SNX2: variants seen among roughly 807,000 people sequenced by gnomAD.
SNX2 encodes sorting nexin 2, also known as sorting nexin-2.
A neutral mutation model predicts 69.9 loss-of-function variants in SNX2; 25 were observed. The ratio of observed to expected loss-of-function variants is 0.36; its 90% confidence interval spans 0.26 to 0.50. The LOEUF (loss-of-function observed/expected upper bound fraction) is 0.50. Ranked by LOEUF, SNX2 falls within the 20% of genes least tolerant of loss-of-function variation. SNX2 has a pLI of 0.97. For missense variants in SNX2, 551 were observed against 613.3 expected (o/e 0.90, Z 1.07); for synonymous variants, 229 against 200.4 (o/e 1.14, Z -1.20).
chr5:122,829,761 C>T lies in SNX2; in HGVS notation c.*113C>T. On this transcript the variant is annotated 3_prime_UTR_variant, in exon 15 of 15. Coordinates refer to ENST00000379516, the MANE Select transcript of SNX2 (RefSeq NM_003100.4). ...AAACCACTATATATTTTATGAATTA[C>T]ATGTGGTTTTATATACACACACACA... 1 of 746,074 alleles carries T rather than the reference C, an allele frequency of 1.3e-6. No homozygotes were observed. Among genetic ancestry groups the T allele is most frequent in the African/African-American group, 1.9e-5 (1 of 53,656 alleles). The allele number at this position is 746,074 out of a possible 1,614,324, so 46.2% of individuals were successfully genotyped here.
chr5:122,790,827 C>T (rs915881734), intron 1 of SNX2, among the ~76,000 whole-genome samples: 1 of 152,198 alleles, frequency 6.6e-6, no homozygotes, highest in Non-Finnish European at 1.5e-5. Context: ...GTTGTTCCTT[C>T]TTCCCAGTCT....
intron 6 of SNX2, among the ~76,000 whole-genome samples, chr5:122,806,140 G>GCACACACACACACA (rs1296313992): frequency 3.3e-5 from 1 of 30,220 alleles, no homozygotes; most frequent in East Asian, 2.1e-3. Flanking sequence ...ACACACGCGC[G>GCACACACACACACA]CGCACACACA....
At chr5:122,820,629 C>T (rs1376758025) in intron 11 of SNX2, among the ~76,000 whole-genome samples, 2 of 152,100 alleles carry the variant, frequency 1.3e-5, no homozygotes, top group East Asian at 3.9e-4. Flanking sequence ...ATATTGATCC[C>T]TCAAAAATAG....
chr5:122,829,849 TTTGAA>T lies in SNX2; in HGVS notation c.*204_*208del, dbSNP rs1754245514. On this transcript the variant is annotated 3_prime_UTR_variant, in exon 15 of 15. Transcript: ENST00000379516. ...TTACAAGCTGCATGTCCTGACCCTC[TTTGAA>T]TTAAGTGGACTGTGGCATGACATTC... 1.7e-6 allele frequency: 1 copy of T among 584,592 alleles called. No individual in the cohort carries two copies. Among genetic ancestry groups the T allele is most frequent in the Non-Finnish European group, 3.1e-6 (1 of 323,880 alleles). The allele number at this position is 584,592 out of a possible 1,614,324, so 36.2% of individuals were successfully genotyped here.
rs1753956622 is a variant in SNX2, at chr5:122,818,850, A to G, written c.1039A>G (p.Ser347Gly). 6.8e-6 allele frequency: 11 copies of G among 1,613,854 alleles called. No individual in the cohort carries two copies. The highest frequency in any genetic ancestry group is 9.3e-6 in the Non-Finnish European group (11 of 1,179,842). Residue 347 changes from serine to glycine, a missense_variant, in exon 11 of 15, where the codon AGT becomes GGT. Transcript: ENST00000379516. ...LSANTAAFAKSAAMLGNSEDH... is the reference protein window; with the variant it reads ...LSANTAAFAKGAAMLGNSEDH... ...AGCCAACACAGCTGCCTTTGCTAAAAGTGCTGCCATGTTAGGTAATTCTGA... is the reference window on the plus strand; with the variant it reads ...AGCCAACACAGCTGCCTTTGCTAAAGGTGCTGCCATGTTAGGTAATTCTGA...
At chr5:122,778,354 A>G (rs1211055002) in intron 1 of SNX2, among the ~76,000 whole-genome samples, 1 of 152,144 alleles carries the variant, frequency 6.6e-6, no homozygotes, top group African/African-American at 2.4e-5. Flanking sequence ...GGATTGCTGA[A>G]TCATCCGGTA....
intron 1 of SNX2, among the ~76,000 whole-genome samples, chr5:122,778,823 TTAA>T (rs1752908911): frequency 6.6e-6 from 1 of 152,308 alleles, no homozygotes; most frequent in Admixed American, 6.5e-5. Context: ...CCTTTCAAAA[TTAA>T]TAACAGCCAC....
intron 10 of SNX2, among the ~76,000 whole-genome samples, chr5:122,818,230 A>C (rs1376895767): frequency 6.6e-6 from 1 of 152,096 alleles, no homozygotes; most frequent in African/African-American, 2.4e-5. Flanking sequence ...GTAAACATCT[A>C]CTTTTCTTTA....
intron 1 of SNX2, chr5:122,775,823 A>G (rs988604162): frequency 1.0e-6 from 1 of 968,036 alleles, no homozygotes; most frequent in Non-Finnish European, 1.2e-6. Context: ...AGGTCATAGT[A>G]TTTATAAAAT....
intron 1 of SNX2, among the ~76,000 whole-genome samples, chr5:122,785,501 T>C (rs1753065504): frequency 8.1e-6 from 1 of 123,412 alleles, no homozygotes; most frequent in Non-Finnish European, 1.7e-5. Context: ...TTTGAGACTT[T>C]TCTCCCTACT....
intron 7 of SNX2, among the ~76,000 whole-genome samples, chr5:122,811,561 G>A (rs1267094934): frequency 6.6e-6 from 1 of 152,178 alleles, no homozygotes; most frequent in Non-Finnish European, 1.5e-5. Context: ...GCTGGGCGCG[G>A]TGGCTCACAC....
chr5:122,775,586 G>T (rs1455700629), intron 1 of SNX2: 2 of 995,328 alleles, frequency 2.0e-6, no homozygotes, highest in East Asian at 1.0e-4. Context: ...TTTTGAAGGG[G>T]TGCTCGCTTT....
intron 7 of SNX2, among the ~76,000 whole-genome samples, chr5:122,809,041 CAACT>C (rs1447195509): frequency 6.6e-6 from 1 of 151,946 alleles, no homozygotes; most frequent in Non-Finnish European, 1.5e-5. Flanking sequence ...TTTGTGGATT[CAACT>C]AACTATGGAT....
intron 1 of SNX2, among the ~76,000 whole-genome samples, chr5:122,776,611 C>G (rs1481217714): frequency 1.3e-5 from 2 of 152,076 alleles, no homozygotes; most frequent in Admixed American, 1.3e-4. Flanking sequence ...CCTTTTAGCC[C>G]TTTCTACTTA....
intron 2 of SNX2, among the ~76,000 whole-genome samples, chr5:122,797,591 G>A (rs1219986353): frequency 1.3e-5 from 2 of 152,198 alleles, no homozygotes; most frequent in South Asian, 2.1e-4. Flanking sequence ...AGGGAGCAGC[G>A]TATGTTACTG....
intron 6 of SNX2, among the ~76,000 whole-genome samples, chr5:122,806,142 G>GCGCGCACGCACACACACACACACA: frequency 1.5e-5 from 2 of 130,584 alleles, no homozygotes; most frequent in African/African-American, 2.9e-5. Flanking sequence ...ACACGCGCGC[G>GCGCGCACGCACACACACACACACA]CACACACACA....
chr5:122,814,832 C>T (rs1478345122), intron 7 of SNX2, among the ~76,000 whole-genome samples: 1 of 151,830 alleles, frequency 6.6e-6, no homozygotes, highest in Non-Finnish European at 1.5e-5. Flanking sequence ...TCACTCCAAC[C>T]TCCACCCTCC....
intron 7 of SNX2, among the ~76,000 whole-genome samples, chr5:122,811,357 T>G (rs561124901): frequency 1.3e-5 from 2 of 152,264 alleles, no homozygotes; most frequent in Admixed American, 6.5e-5. Flanking sequence ...CTTCAGATCT[T>G]TAGATCATAT....
At chr5:122,786,725 G>A (rs989185407) in intron 1 of SNX2, among the ~76,000 whole-genome samples, 4 of 151,688 alleles carry the variant, frequency 2.6e-5, no homozygotes, top group African/African-American at 9.7e-5. Context: ...TTGTAAGGAC[G>A]GGCCATTTTT....
Sources: allele counts gnomAD v4.1 joint callset (sites outside exome capture counted in the v4.1 genomes callset), GRCh38; gene constraint gnomAD v4.1.1; transcripts MANE v1.5; gene names NCBI Gene and HGNC (gene_info 2026-07-23, HGNC 2026-07-21).